The following PITPNA variants were observed in gnomAD, a reference collection of about 807,000 sequenced individuals.
PITPNA encodes the protein phosphatidylinositol transfer protein alpha isoform.
A neutral mutation model predicts 50.3 loss-of-function variants in PITPNA; 13 were observed. The ratio of observed to expected loss-of-function variants is 0.26; its 90% CI spans 0.17 to 0.41. The LOEUF (loss-of-function observed/expected upper bound fraction) is 0.41, where lower values mean the gene tolerates loss of function less well. PITPNA is among the 10% of genes least tolerant of loss of function. The probability of loss-of-function intolerance (pLI) is 1.00; values close to 1 mark genes in which losing one functional copy is unlikely to be tolerated. For synonymous variants in PITPNA, 120 were observed against 119.6 expected, an observed-to-expected ratio of 1.00 and a Z score of -0.02; for missense variants, 207 against 333.4, an observed-to-expected ratio of 0.62 and a Z score of 2.95.
At chr17:1,544,074 C>T (rs1157368046) in intron 4 of PITPNA, among the ~76,000 whole-genome samples, 1 of 152,202 alleles carries the variant, frequency 6.6e-6, no homozygotes, top group Non-Finnish European at 1.5e-5. Flanking sequence ...TCTGATGACA[C>T]CAGCCACTAA....
At chr17:1,547,879 A>C (rs2075685384) in intron 4 of PITPNA, among the ~76,000 whole-genome samples, 1 of 152,040 alleles carries the variant, frequency 6.6e-6, no homozygotes, top group African/African-American at 2.4e-5. Flanking sequence ...CTGTAGTCCC[A>C]GCTACTCGGG....
chr17:1,530,325 G>A (rs929048284), intron 10 of PITPNA, among the ~76,000 whole-genome samples: 3 of 151,988 alleles, frequency 2.0e-5, no homozygotes, highest in African/African-American at 4.8e-5. Context: ...GAGAGTAAGA[G>A]CTTGGGAAAG....
chr17:1,531,082 G>A (rs75114332), intron 10 of PITPNA, among the ~76,000 whole-genome samples: 6,770 of 152,176 alleles, frequency 0.044, 522 homozygotes, highest in African/African-American at 0.15. Context: ...TCTCTGAAGC[G>A]CTGAGGGAAC....
chr17:1,533,948 C>T (rs992374343), intron 10 of PITPNA, 151 bp downstream of exon 10: 2 of 832,250 alleles, frequency 2.4e-6, no homozygotes, highest in African/African-American at 3.4e-5. Flanking sequence ...CCGTATAGTG[C>T]CCACGTACTG....
At chr17:1,547,011 C>G (rs1005094719) in intron 4 of PITPNA, among the ~76,000 whole-genome samples, 8 of 152,046 alleles carry the variant, frequency 5.3e-5, no homozygotes, top group Admixed American at 4.6e-4. Flanking sequence ...CAAAACAAAA[C>G]AAAACACCAG....
rs949861987 is a variant in PITPNA, at chr17:1,517,753, C to T, written c.*2808G>A. On this transcript the variant is annotated 3_prime_UTR_variant, in exon 12 of 12. Transcript: ENST00000313486. ...GAGGAAGATGTGAAGAGGAGGCAGA[C>T]AAAAGCAAAAGGACATCCTGTCAGT... The T allele has an allele frequency of 3.9e-5, 6 of 152,084 alleles. No homozygotes were observed. Among genetic ancestry groups the T allele is most frequent in the Non-Finnish European group, 7.4e-5 (5 of 68,018 alleles). The allele number at this position is 152,084 out of a possible 1,614,324, so 9.4% of individuals were successfully genotyped here.
intron 6 of PITPNA, among the ~76,000 whole-genome samples, chr17:1,539,871 G>A (rs1258888472): frequency 1.3e-5 from 2 of 152,236 alleles, no homozygotes; most frequent in Non-Finnish European, 2.9e-5. Context: ...CGAGTATCTG[G>A]GATTACAGGC....
chr17:1,551,048 G>A (rs8076233), intron 3 of PITPNA, among the ~76,000 whole-genome samples: 1 of 122,446 alleles, frequency 8.2e-6, no homozygotes, highest in East Asian at 2.8e-4. Flanking sequence ...CACGAAGGGC[G>A]AGTGAGAGTA....
chr17:1,531,621 G>A (rs905128853), intron 10 of PITPNA, among the ~76,000 whole-genome samples: 3 of 151,398 alleles, frequency 2.0e-5, no homozygotes, highest in African/African-American at 4.9e-5. Context: ...ACTGCACGAC[G>A]CCAAGCACTC....
In PITPNA at chr17:1,519,019, C is replaced by T. The variant is rs1472979745; in HGVS notation, c.*1542G>A. 6.6e-6 allele frequency: 1 copy of T among 152,302 alleles called. No individual in the cohort carries two copies. Among genetic ancestry groups the T allele is most frequent in the Non-Finnish European group, 1.5e-5 (1 of 68,054 alleles). The allele number at this position is 152,302 out of a possible 1,614,324, so 9.4% of individuals were successfully genotyped here. On this transcript the variant is annotated 3_prime_UTR_variant, in exon 12 of 12. Transcript: ENST00000313486. ...GGTCAGCGCTAACCATGCTGGGGGT[C>T]TGAGTCTGTCCACCCTTGCCCCAGG...
Position 1,562,523 on chromosome 17 carries a change from C to T in PITPNA, c.20+18G>A. 2 of 1,430,774 alleles carry T rather than the reference C, an allele frequency of 1.4e-6. No individual in the cohort carries two copies. The highest frequency in any genetic ancestry group is 1.8e-6 in the Non-Finnish European group (2 of 1,086,028). The allele number at this position is 1,430,774 out of a possible 1,614,324, so 88.6% of individuals were successfully genotyped here. ...ACCCTCCCTCCTCCCCGCTTCCGCA[C>T]GGCCGCCGGACACTCACTACTCCTT... On this transcript the variant is annotated intron_variant, in intron 1 of 11. Transcript: ENST00000313486. This position sits in a 1 kb window ranked among gnomAD's most constrained non-coding sequence, Gnocchi z 6.4.
chr17:1,522,387 T>G (rs922832063), intron 10 of PITPNA, among the ~76,000 whole-genome samples: 1 of 151,536 alleles, frequency 6.6e-6, no homozygotes, highest in Non-Finnish European at 1.5e-5. Context: ...TCTTTTTTTG[T>G]GTGTGTGAGG....
chr17:1,562,487 C>T lies in PITPNA; in HGVS notation c.20+54G>A. On this transcript the variant is annotated intron_variant, in intron 1 of 11. Transcript: ENST00000313486. The surrounding 1 kb of genome is among the most constrained non-coding windows in gnomAD (Gnocchi z 6.4). ...GTCCCTCGCCGCGCCGTCGCCCCGG[C>T]GGCCGTCCCCACCCTCCCTCCTCCC... 2.2e-6 allele frequency: 3 copies of T among 1,361,708 alleles called. No individual in the cohort carries two copies. Among genetic ancestry groups the T allele is most frequent in the South Asian group, 1.5e-5 (1 of 66,538 alleles). The allele number at this position is 1,361,708 out of a possible 1,614,324, so 84.4% of individuals were successfully genotyped here. A position where few individuals can be genotyped will look rare whatever the true frequency, so the allele number is the denominator to read the frequency against.
chr17:1,545,225 T>G (rs981855208), intron 4 of PITPNA, among the ~76,000 whole-genome samples: 12 of 152,326 alleles, frequency 7.9e-5, no homozygotes, highest in African/African-American at 1.9e-4. Context: ...CAGCAAGAGC[T>G]GATCATTACC....
intron 11 of PITPNA, among the ~76,000 whole-genome samples, chr17:1,520,918 T>C (rs1485899227): frequency 2.6e-5 from 4 of 152,198 alleles, no homozygotes; most frequent in African/African-American, 9.6e-5. Context: ...TAAGACTGCT[T>C]TGAGCTGCTG....
intron 10 of PITPNA, among the ~76,000 whole-genome samples, chr17:1,533,684 T>C (rs538354958): frequency 5.3e-5 from 8 of 152,334 alleles, no homozygotes; most frequent in Admixed American, 1.3e-4. Context: ...AGCCGCCAGC[T>C]GTCAGCTCCT....
At chr17:1,529,663 C>T (rs1273272135) in intron 10 of PITPNA, among the ~76,000 whole-genome samples, 2 of 151,644 alleles carry the variant, frequency 1.3e-5, no homozygotes, top group African/African-American at 2.4e-5. Flanking sequence ...CAGACCAGCC[C>T]GGGCAACATG....
chr17:1,545,736 T>C (rs1031964817), intron 4 of PITPNA, among the ~76,000 whole-genome samples: 1 of 152,128 alleles, frequency 6.6e-6, no homozygotes, highest in Non-Finnish European at 1.5e-5. Flanking sequence ...CGCAACACTC[T>C]TCCCAGAATG....
In PITPNA at chr17:1,523,833, G is replaced by A. The variant is rs146465647; in HGVS notation, c.769-2188C>T. Among the ~76,000 whole-genome samples, 1,111 of 150,648 alleles carry A rather than the reference G, an allele frequency of 7.4e-3. 8 individuals carry two copies. The highest frequency in any genetic ancestry group is 0.016 in the Admixed American group (235 of 15,146). ...CACCTGGCTGATTTTTTATTTTTTCGGTGTGTGTGGGGACAGGGTCTCATT... is the reference window on the plus strand; with the variant it reads ...CACCTGGCTGATTTTTTATTTTTTCAGTGTGTGTGGGGACAGGGTCTCATT... On this transcript the variant is annotated intron_variant, in intron 10 of 11. Coordinates refer to ENST00000313486, the MANE Select transcript of PITPNA (RefSeq NM_006224.4).
Sources: gnomAD v4.1 joint callset for allele counts (sites outside exome capture counted in the v4.1 genomes callset) on GRCh38, gnomAD v4.1.1 for gene constraint, Gnocchi (gnomAD v3.1) non-coding constraint, MANE v1.5 for transcripts, NCBI Gene and HGNC (gene_info 2026-07-23, HGNC 2026-07-21) for gene names.